Variants in MAP2K5 observed in about 807,000 individuals in gnomAD.
MAP2K5 encodes the protein dual specificity mitogen-activated protein kinase kinase 5.
A neutral mutation model predicts 83.1 loss-of-function variants in MAP2K5; 49 were observed. The observed-to-expected ratio is 0.59, with a 90% CI of 0.47 to 0.75. The LOEUF (loss-of-function observed/expected upper bound fraction) is 0.75. MAP2K5 is among the 30% of genes least tolerant of loss of function. MAP2K5 has a pLI of 0.00. For synonymous variants in MAP2K5, 202 were observed against 191.8 expected, an observed-to-expected ratio of 1.05 and a Z score of -0.44; for missense variants, 457 against 557.5, an observed-to-expected ratio of 0.82 and a Z score of 1.82.
chr15:67,740,522 G>A (rs1444490372), intron 17 of MAP2K5, among the ~76,000 whole-genome samples: 1 of 152,052 alleles, frequency 6.6e-6, no homozygotes, highest in Non-Finnish European at 1.5e-5. Context: ...AGTCCAGGGA[G>A]GTCAAGGCTG....
intron 16 of MAP2K5, among the ~76,000 whole-genome samples, chr15:67,709,171 TA>T (rs2088629817): frequency 1.3e-5 from 2 of 152,338 alleles, no homozygotes; most frequent in Admixed American, 1.3e-4. Flanking sequence ...ATGGAATCAT[TA>T]AAGGTCATTG....
chr15:67,699,926 GT>G (rs2088371630), intron 15 of MAP2K5, among the ~76,000 whole-genome samples: 1 of 146,644 alleles, frequency 6.8e-6, no homozygotes, highest in Non-Finnish European at 1.5e-5. Flanking sequence ...CCAGAGCCCT[GT>G]TTAACCAGTG....
intron 8 of MAP2K5, among the ~76,000 whole-genome samples, chr15:67,612,600 C>T (rs72749364): frequency 0.12 from 18,387 of 152,014 alleles, 1,225 homozygotes; most frequent in East Asian, 0.2. Flanking sequence ...TCAGTTTTTA[C>T]GTTAAAGGAA....
intron 16 of MAP2K5, among the ~76,000 whole-genome samples, chr15:67,716,129 A>T (rs1214603831): frequency 6.6e-6 from 1 of 152,230 alleles, no homozygotes; most frequent in Non-Finnish European, 1.5e-5. Flanking sequence ...CCCTGCTTTA[A>T]TGGAGCCTAC....
intron 8 of MAP2K5, among the ~76,000 whole-genome samples, chr15:67,617,167 T>A (rs1428482669): frequency 6.6e-6 from 1 of 152,190 alleles, no homozygotes; most frequent in Non-Finnish European, 1.5e-5. Context: ...TGCTAATAAA[T>A]TGACATTTAT....
At chr15:67,591,849 C>T (rs1170401983) in intron 6 of MAP2K5, among the ~76,000 whole-genome samples, 5 of 151,784 alleles carry the variant, frequency 3.3e-5, no homozygotes, top group South Asian at 2.1e-4. Context: ...TGGTGGCTCC[C>T]GCCTGTAATC....
intron 13 of MAP2K5, among the ~76,000 whole-genome samples, chr15:67,666,689 G>A (rs997091931): frequency 6.6e-6 from 1 of 152,162 alleles, no homozygotes; most frequent in Non-Finnish European, 1.5e-5. Flanking sequence ...GGAATCCTGG[G>A]CCTGTACTTA....
rs1171578325 is a variant in MAP2K5 at position 67,587,919 on chromosome 15, C to G, written c.431+1006C>G. On this transcript the variant is annotated intron_variant, in intron 6 of 21. Coordinates refer to ENST00000178640, the MANE Select transcript of MAP2K5 (RefSeq NM_145160.3). The surrounding 1 kb of genome is among the most constrained non-coding windows in gnomAD (Gnocchi z 4.8). Reference sequence around the variant, plus strand: ...AGCTCTGCGTCTTTCTACTCGCCAGCATCCCTGCTGCTGTGTGGGTGGTTC... The same window carrying G: ...AGCTCTGCGTCTTTCTACTCGCCAGGATCCCTGCTGCTGTGTGGGTGGTTC... 3 of 155,580 alleles carry G rather than the reference C, an allele frequency of 1.9e-5. No individual in the cohort carries two copies. The Admixed American group carries it at 2.0e-4, about 10-fold the overall frequency. The allele number at this position is 155,580 out of a possible 1,614,324, so 9.6% of individuals were successfully genotyped here. A position where few individuals can be genotyped will look rare whatever the true frequency, so the allele number is the denominator to read the frequency against.
intron 21 of MAP2K5, among the ~76,000 whole-genome samples, chr15:67,795,439 T>C (rs1021877789): frequency 3.3e-5 from 5 of 152,240 alleles, no homozygotes; most frequent in African/African-American, 1.2e-4. Context: ...TTCATTGTCC[T>C]TCAATTCTAA....
In MAP2K5 at chr15:67,764,464, C is replaced by G. The variant is rs192514815; in HGVS notation, c.1135-5138C>G. The stretch of plus-strand genomic sequence containing the variant: ...AACTGAACCAAAACCTCAGTGCCCT[C>G]CTGTTCATCCTGAGTGCCCAGCTTT... On this transcript the variant is annotated intron_variant, in intron 19 of 21. Coordinates refer to ENST00000178640, the MANE Select transcript of MAP2K5 (RefSeq NM_145160.3). This position sits in a 1 kb window ranked among gnomAD's most constrained non-coding sequence, Gnocchi z 4.9. 9.6e-4 allele frequency among the ~76,000 whole-genome samples: 147 copies of G among 152,336 alleles called. No homozygotes were observed. Among genetic ancestry groups the G allele is most frequent in the Admixed American group, 1.5e-3 (23 of 15,308 alleles).
chr15:67,800,981 GTA>G (rs1318352567), intron 21 of MAP2K5, among the ~76,000 whole-genome samples: 1 of 152,182 alleles, frequency 6.6e-6, no homozygotes, highest in Non-Finnish European at 1.5e-5. Flanking sequence ...ATAGTTGAGT[GTA>G]TGTTATTTTT....
intron 21 of MAP2K5, among the ~76,000 whole-genome samples, chr15:67,792,202 T>C (rs990192449): frequency 1.3e-5 from 2 of 152,188 alleles, no homozygotes; most frequent in African/African-American, 4.8e-5. Context: ...ACTAGGACGT[T>C]GCTAAGACCC....
At chr15:67,575,922 T>TCTTTCTTTCTTTCC (rs56896938) in intron 3 of MAP2K5, among the ~76,000 whole-genome samples, 1 of 58,398 alleles carries the variant, frequency 1.7e-5, no homozygotes, top group African/African-American at 5.6e-5. Flanking sequence ...CTTTCTTTTT[T>TCTTTCTTTCTTTCC]TTTTTTTTTT....
intron 11 of MAP2K5, among the ~76,000 whole-genome samples, chr15:67,654,336 A>G (rs1273533567): frequency 1.3e-5 from 2 of 152,104 alleles, no homozygotes; most frequent in African/African-American, 2.4e-5. Flanking sequence ...TATTTTTTCC[A>G]CTAGTATAGT....
intron 19 of MAP2K5, among the ~76,000 whole-genome samples, chr15:67,759,841 A>G (rs1018934188): frequency 1.1e-4 from 16 of 152,170 alleles, no homozygotes; most frequent in Admixed American, 8.5e-4. Flanking sequence ...GGTTTTTGTG[A>G]TGTGGGATTT....
intron 19 of MAP2K5, among the ~76,000 whole-genome samples, chr15:67,759,363 A>G (rs753376622): frequency 3.3e-5 from 5 of 152,046 alleles, no homozygotes; most frequent in African/African-American, 4.8e-5. Flanking sequence ...GTTCGAGACC[A>G]GACCTGGCAA....
chr15:67,667,220 C>G (rs1157854717), intron 13 of MAP2K5, among the ~76,000 whole-genome samples: 3 of 151,978 alleles, frequency 2.0e-5, no homozygotes, highest in African/African-American at 7.3e-5. Flanking sequence ...TTTTATTTAC[C>G]AAAAAGCTAT....
At chr15:67,772,660 T>C (rs1041913982) in intron 20 of MAP2K5, 47 bp from the exon 21 acceptor site, 4 of 1,301,898 alleles carry the variant, frequency 3.1e-6, no homozygotes, top group African/African-American at 1.5e-5. Context: ...AGCAAAAATA[T>C]ACAAATGACA....
chr15:67,588,085 C>T, intron 6 of MAP2K5: 1 of 985,366 alleles, frequency 1.0e-6, no homozygotes. Flanking sequence ...GCTTTAAAAC[C>T]TTCACTGCTC....
Sources: gnomAD v4.1 joint callset for allele counts (sites outside exome capture counted in the v4.1 genomes callset) on GRCh38, gnomAD v4.1.1 for gene constraint, Gnocchi (gnomAD v3.1) non-coding constraint, MANE v1.5 for transcripts, NCBI Gene and HGNC (gene_info 2026-07-23, HGNC 2026-07-21) for gene names.